AIMP1: variants seen among roughly 807,000 people sequenced by gnomAD.
The protein encoded by AIMP1 is aminoacyl tRNA synthase complex-interacting multifunctional protein 1.
Under a neutral mutation model 33.1 loss-of-function variants are expected in AIMP1, and 24 were observed. The ratio of observed to expected loss-of-function variants is 0.73; its 90% CI spans 0.53 to 1.02. AIMP1 has a LOEUF of 1.02. Among genes scored for constraint, AIMP1 ranks in the 50% least tolerant of loss-of-function variants. AIMP1 has a pLI of 0.00. For synonymous variants in AIMP1, 120 were observed against 121.5 expected (o/e 0.99, Z 0.08); for missense variants, 367 against 364.8 (o/e 1.01, Z -0.05).
At chr4:106,315,676 C>T (rs11544776), upstream of AIMP1, 9,738 of 152,298 alleles carry the variant, frequency 0.064, 365 homozygotes, top group Non-Finnish European at 0.082. Context: ...CTCTAACCTC[C>T]TTTAGCCTTC....
At chr4:106,325,533 CTCTT>C (rs1769423333) in intron 2 of AIMP1, among the ~76,000 whole-genome samples, 1 of 151,854 alleles carries the variant, frequency 6.6e-6, no homozygotes, top group Non-Finnish European at 1.5e-5. Flanking sequence ...AATTCTTACT[CTCTT>C]TTTATTAAAA....
intron 6 of AIMP1, among the ~76,000 whole-genome samples, chr4:106,342,833 A>G (rs1168299500): frequency 6.6e-6 from 1 of 151,306 alleles, no homozygotes; most frequent in Non-Finnish European, 1.5e-5. Flanking sequence ...TTTTTGGAAT[A>G]GTCTCAGTAG....
chr4:106,319,620 C>T (rs1235223994), intron 1 of AIMP1, among the ~76,000 whole-genome samples: 1 of 152,150 alleles, frequency 6.6e-6, no homozygotes, highest in Non-Finnish European at 1.5e-5. Flanking sequence ...TCACCAAACA[C>T]AATTAACATA....
chr4:106,342,611 C>A (rs558787199), intron 6 of AIMP1, among the ~76,000 whole-genome samples: 1 of 152,296 alleles, frequency 6.6e-6, no homozygotes, highest in Non-Finnish European at 1.5e-5. Flanking sequence ...GTTGAACCAG[C>A]CTTGCATCCC....
At chr4:106,333,030 C>G (rs1303514701) in intron 5 of AIMP1, among the ~76,000 whole-genome samples, 1 of 151,748 alleles carries the variant, frequency 6.6e-6, no homozygotes, top group Non-Finnish European at 1.5e-5. Flanking sequence ...TCCCAACCCC[C>G]TGCTATTTTC....
chr4:106,319,269 GCAA>G (rs1769104685), intron 1 of AIMP1, among the ~76,000 whole-genome samples: 1 of 152,112 alleles, frequency 6.6e-6, no homozygotes, highest in Non-Finnish European at 1.5e-5. Context: ...AAGATTGCAG[GCAA>G]TTTAGATGGT....
In AIMP1 at chr4:106,342,928, G is replaced by A. The variant is rs143222157; in HGVS notation, c.773-4598G>A. Among the ~76,000 whole-genome samples the A allele has an allele frequency of 6.1e-3, 886 of 144,428 alleles. 12 individuals are homozygous for A. Among genetic ancestry groups the A allele is most frequent in the African/African-American group, 0.022 (854 of 38,774 alleles). 94.8% of individuals were successfully genotyped at this position (144,428 alleles called of 152,430 possible). On this transcript the variant is annotated intron_variant, in intron 6 of 6. Coordinates refer to ENST00000672341, the MANE Select transcript of AIMP1 (RefSeq NM_001142416.2). Reference sequence around the variant, plus strand: ...GGCTTTTTTTTTTTTTTTTTGAGACGGGGTCTGGTTCTGTAACCCAGGTTG... The same window carrying A: ...GGCTTTTTTTTTTTTTTTTTGAGACAGGGTCTGGTTCTGTAACCCAGGTTG...
intron 6 of AIMP1, among the ~76,000 whole-genome samples, chr4:106,347,279 TTATAAAA>T (rs1445058035): frequency 3.9e-5 from 6 of 152,072 alleles, no homozygotes; most frequent in Admixed American, 1.3e-4. Context: ...GCTTTATTAC[TTATAAAA>T]TATAAGAGTA....
Position 106,348,200 on chromosome 4 carries a change from A to G in AIMP1, c.*508A>G, listed in dbSNP as rs1561035703. ...ATTCTGAAAGCCAAACATAAAAGCTAGGAGAAGTGGCATCTGAACATTTTT... is the reference window on the plus strand; with the variant it reads ...ATTCTGAAAGCCAAACATAAAAGCTGGGAGAAGTGGCATCTGAACATTTTT... On this transcript the variant is annotated 3_prime_UTR_variant, in exon 7 of 7. Transcript: ENST00000672341. The G allele has an allele frequency of 6.6e-6, 1 of 152,266 alleles. No individual in the cohort carries two copies. Among genetic ancestry groups the G allele is most frequent in the African/African-American group, 2.4e-5 (1 of 41,458 alleles). The allele number at this position is 152,266 out of a possible 1,614,324, so 9.4% of individuals were successfully genotyped here.
rs562069503 is a variant in AIMP1 at position 106,328,192 on chromosome 4, A to G, written c.340A>G (p.Lys114Glu). Residue 114 changes from lysine (K) to glutamate (E), a missense_variant, in exon 4 of 7, where the codon AAA becomes GAA. Transcript: ENST00000672341. ...ATCTTCTGGTACCAAAGAACAGATA[A>G]AAGGAGGAACAGGAGACGAAAAGAA... is the stretch of plus-strand genomic sequence containing the variant. ...TVSSGTKEQI[K>E]GGTGDEKKAK... The G allele has an allele frequency of 1.2e-6, 2 of 1,613,002 alleles. No individual in the cohort carries two copies. The highest frequency in any genetic ancestry group is 2.2e-5 in the East Asian group (1 of 44,810).
At chr4:106,343,588 G>A (rs1770184576) in intron 6 of AIMP1, among the ~76,000 whole-genome samples, 1 of 152,040 alleles carries the variant, frequency 6.6e-6, no homozygotes, top group Admixed American at 6.5e-5. Flanking sequence ...AAATCATAGT[G>A]GTCTATGCTC....
intron 6 of AIMP1, among the ~76,000 whole-genome samples, chr4:106,340,656 C>T (rs536779902): frequency 7.2e-5 from 11 of 152,246 alleles, no homozygotes; most frequent in Admixed American, 2.0e-4. Context: ...TTCCATAGTA[C>T]ATGTGTACCA....
chr4:106,336,884 G>A lies in AIMP1; in HGVS notation c.619G>A (p.Val207Met), dbSNP rs1475190360. 2 of 1,613,814 alleles carry A rather than the reference G, an allele frequency of 1.2e-6. No individual in the cohort carries two copies. The highest frequency in any genetic ancestry group is 1.7e-6 in the Non-Finnish European group (2 of 1,179,954). The change falls in exon 6 of 7, where the codon GTG becomes ATG. Residue 207 changes from valine (V) to methionine (M), a missense_variant. Coordinates refer to ENST00000672341, the MANE Select transcript of AIMP1 (RefSeq NM_001142416.2). ...TTTCACACAGATGCAAAATCGGATG[G>A]TGATTTTACTTTGTAACCTGAAACC... ...VPLEQMQNRM[V>M]ILLCNLKPAK...
Position 106,325,068 on chromosome 4 carries a change from A to C in AIMP1, c.59A>C (p.Gln20Pro). Residue 20 changes from glutamine to proline, a missense_variant, in exon 2 of 7, where the codon CAA (glutamine) becomes CCA (proline). Coordinates refer to ENST00000672341, the MANE Select transcript of AIMP1 (RefSeq NM_001142416.2). Reference sequence around the variant, plus strand: ...GAGCAGAAGGGTGCAGAGGCAGATCAAATCATTGAATATCTTAAGCAGCAA... The same window carrying C: ...GAGCAGAAGGGTGCAGAGGCAGATCCAATCATTGAATATCTTAAGCAGCAA... ...RLEQKGAEAD[Q>P]IIEYLKQQVS... 6.2e-7 allele frequency: 1 copy of C among 1,613,214 alleles called. No homozygotes were observed. The highest frequency in any genetic ancestry group is 8.5e-7 in the Non-Finnish European group (1 of 1,179,426).
rs975788437 is a variant in AIMP1 at position 106,327,342 on chromosome 4, A to G, written c.110-109A>G. 4.0e-6 allele frequency: 3 copies of G among 758,752 alleles called. No homozygotes were observed. In the African/African-American group the frequency reaches 5.2e-5, roughly 13 times the overall value. 47.0% of individuals were successfully genotyped at this position (758,752 alleles called of 1,614,324 possible). A position where few individuals can be genotyped will look rare whatever the true frequency, so the allele number is the denominator to read the frequency against. On this transcript the variant is annotated intron_variant, in intron 2 of 6. Coordinates refer to ENST00000672341, the MANE Select transcript of AIMP1 (RefSeq NM_001142416.2). The stretch of plus-strand genomic sequence containing the variant: ...CACTGGCCAAACATTTGGTTACACT[A>G]GAGCTAGTATTATCCTAGCTGTAGT...
chr4:106,325,014 C>T lies in AIMP1; in HGVS notation c.5C>T (p.Ala2Val). 6.2e-7 allele frequency: 1 copy of T among 1,601,396 alleles called. No homozygotes were observed. Among genetic ancestry groups the T allele is most frequent in the Non-Finnish European group, 8.5e-7 (1 of 1,174,228 alleles). Residue 2 changes from alanine (A) to valine (V), a missense_variant, in exon 2 of 7, where the codon GCA becomes GTA. Physicochemically the swap from Ala to Val is moderately conservative, Grantham distance 64. Transcript: ENST00000672341. ...TTCTGCCGTCTCTTGGCAAAAATGGCAAATAATGATGCTGTTCTGAAGAGA... is the reference window on the plus strand; with the variant it reads ...TTCTGCCGTCTCTTGGCAAAAATGGTAAATAATGATGCTGTTCTGAAGAGA... The part of the protein sequence containing the change: M[A>V]NNDAVLKRLE...
At chr4:106,319,363 TTGTG>T in intron 1 of AIMP1, among the ~76,000 whole-genome samples, 1 of 151,472 alleles carries the variant, frequency 6.6e-6, no homozygotes. Flanking sequence ...AAATCATCTT[TTGTG>T]TGTGTATTTT....
At chr4:106,336,824 C>T in intron 5 of AIMP1, 45 bp from the exon 6 acceptor site, 1 of 1,564,420 alleles carries the variant, frequency 6.4e-7, no homozygotes, top group Non-Finnish European at 8.8e-7. Flanking sequence ...TATGATTAGG[C>T]TTAATCTGTG....
Position 106,339,078 on chromosome 4 carries a change from A to G in AIMP1, c.772+2041A>G, listed in dbSNP as rs980146975. On this transcript the variant is annotated intron_variant, in intron 6 of 6. Coordinates refer to ENST00000672341, the MANE Select transcript of AIMP1 (RefSeq NM_001142416.2). ...TATTTACCCAATGCCTGTACCCCCA[A>G]TGTATTCTGGAAGTAACTAACTTGC... is the stretch of plus-strand genomic sequence containing the variant. Among the ~76,000 whole-genome samples, 6 of 152,136 alleles carry G rather than the reference A, an allele frequency of 3.9e-5. No individual in the cohort carries two copies. The East Asian group carries it at 7.7e-4, about 20-fold the overall frequency.
Sources: allele counts gnomAD v4.1 joint callset (sites outside exome capture counted in the v4.1 genomes callset), GRCh38; gene constraint gnomAD v4.1.1; transcripts MANE v1.5; gene names NCBI Gene and HGNC (gene_info 2026-07-23, HGNC 2026-07-21).